The following SYN3 variants were observed in gnomAD, a reference collection of about 807,000 sequenced individuals.
The protein encoded by SYN3 is synapsin-3.
In SYN3, 35 loss-of-function variants were observed where a neutral mutation model predicts 65.8. The observed-to-expected ratio is 0.53, with a 90% confidence interval of 0.41 to 0.70. The LOEUF (loss-of-function observed/expected upper bound fraction) is 0.70, where lower values mean the gene tolerates loss of function less well. Among genes scored for constraint, SYN3 ranks in the 30% least tolerant of loss-of-function variants. SYN3 has a pLI of 0.00. For synonymous variants in SYN3, 270 were observed against 292.9 expected (o/e 0.92, Z 0.80); for missense variants, 680 against 749.0 (o/e 0.91, Z 1.08).
At chr22:32,745,757 A>G (rs548869926) in intron 6 of SYN3, among the ~76,000 whole-genome samples, 1 of 152,262 alleles carries the variant, frequency 6.6e-6, no homozygotes, top group Non-Finnish European at 1.5e-5. Flanking sequence ...GTGGGGAGAG[A>G]ATAAGAGGCA....
chr22:32,952,369 AAC>A (rs2051317758), intron 3 of SYN3, among the ~76,000 whole-genome samples: 2 of 152,056 alleles, frequency 1.3e-5, no homozygotes, highest in African/African-American at 4.8e-5. Flanking sequence ...TAAATACAAA[AAC>A]ACAGAAAAAA....
chr22:32,798,361 G>A (rs963687788), intron 6 of SYN3, among the ~76,000 whole-genome samples: 2 of 152,040 alleles, frequency 1.3e-5, no homozygotes, highest in Admixed American at 6.6e-5. Flanking sequence ...TTACAGCTTG[G>A]AGGACTGAGC....
intron 7 of SYN3, among the ~76,000 whole-genome samples, chr22:32,592,069 G>A (rs1353554294): frequency 6.6e-6 from 1 of 152,214 alleles, no homozygotes; most frequent in Non-Finnish European, 1.5e-5. Context: ...GTATGTAGAG[G>A]AATAATGATT....
At chr22:32,604,428 G>A (rs1019849827) in intron 6 of SYN3, among the ~76,000 whole-genome samples, 2 of 151,642 alleles carry the variant, frequency 1.3e-5, no homozygotes, top group Non-Finnish European at 2.9e-5. Context: ...TGAATGTGCC[G>A]CACTCCCTCC....
At chr22:32,627,954 G>A (rs55904255) in intron 6 of SYN3, among the ~76,000 whole-genome samples, 15,508 of 152,024 alleles carry the variant, frequency 0.1, 1,927 homozygotes, top group African/African-American at 0.3. Context: ...TCAGCCTCCC[G>A]AGTAGCTGGG....
intron 1 of SYN3, among the ~76,000 whole-genome samples, chr22:33,036,779 C>T (rs751364597): frequency 6.7e-6 from 1 of 150,022 alleles, no homozygotes; most frequent in Admixed American, 6.7e-5. Context: ...ACAACCTCCG[C>T]CTCCCAGGTT....
At chr22:32,606,259 G>A (rs183688325) in intron 6 of SYN3, among the ~76,000 whole-genome samples, 4 of 152,310 alleles carry the variant, frequency 2.6e-5, no homozygotes, top group African/African-American at 7.2e-5. Context: ...CAGGGAGCGC[G>A]TTACGAAGCC....
Position 32,555,324 on chromosome 22 carries a change from G to C in SYN3, c.775-13611C>G, listed in dbSNP as rs145141484. On this transcript the variant is annotated intron_variant, in intron 7 of 13. Coordinates refer to ENST00000358763, the MANE Select transcript of SYN3 (RefSeq NM_003490.4). ...CCTGAGAGAGGAACACAAGGAGTGA[G>C]GCCAAGATCCTTCCCAGAAAGTGAT... is the stretch of plus-strand genomic sequence containing the variant. Among the ~76,000 whole-genome samples, 492 of 152,316 alleles carry C rather than the reference G, an allele frequency of 3.2e-3. 3 individuals carry two copies. Among genetic ancestry groups the C allele is most frequent in the African/African-American group, 0.011 (475 of 41,564 alleles).
At chr22:32,814,236 AGAAAGAAAGAAG>A (rs1184861494) in intron 6 of SYN3, among the ~76,000 whole-genome samples, 13 of 145,680 alleles carry the variant, frequency 8.9e-5, no homozygotes, top group South Asian at 6.4e-4. Flanking sequence ...AGAAAAAAAA[AGAAAGAAAGAAG>A]GAAAGAAAGA....
At chr22:32,525,899 G>A (rs1476199121) in intron 12 of SYN3, among the ~76,000 whole-genome samples, 1 of 152,132 alleles carries the variant, frequency 6.6e-6, no homozygotes, top group Non-Finnish European at 1.5e-5. Flanking sequence ...GTGTGAAAGG[G>A]TGAGTCAATG....
intron 6 of SYN3, among the ~76,000 whole-genome samples, chr22:32,843,426 C>A (rs2047970779): frequency 6.6e-6 from 1 of 152,166 alleles, no homozygotes; most frequent in Non-Finnish European, 1.5e-5. Flanking sequence ...TGTAGAGTGT[C>A]CAAGGTGGGC....
intron 6 of SYN3, among the ~76,000 whole-genome samples, chr22:32,658,192 G>A (rs1205577915): frequency 2.0e-5 from 3 of 152,238 alleles, no homozygotes; most frequent in Admixed American, 1.3e-4. Flanking sequence ...CAGAGCCTAG[G>A]GTGAGGGCAG....
chr22:32,738,970 A>G (rs1467586225), intron 6 of SYN3, among the ~76,000 whole-genome samples: 2 of 152,212 alleles, frequency 1.3e-5, no homozygotes, highest in African/African-American at 4.8e-5. Flanking sequence ...TTCTTATGTA[A>G]TAAAGGTGAT....
Position 32,817,811 on chromosome 22 carries a change from C to A in SYN3, c.711+47104G>T, listed in dbSNP as rs73158322. Among the ~76,000 whole-genome samples the A allele has an allele frequency of 3.5e-3, 537 of 152,292 alleles. 4 individuals carry two copies. Among genetic ancestry groups the A allele is most frequent in the South Asian group, 5.2e-3 (25 of 4,822 alleles). On this transcript the variant is annotated intron_variant, in intron 6 of 13. Transcript: ENST00000358763. ...GGTGAGATGTTTCTGATTGAAGGTC[C>A]ATGGGGCAGGCACCCTGCGAGCAGG...
intron 1 of SYN3, among the ~76,000 whole-genome samples, chr22:33,045,449 G>C (rs1332210964): frequency 2.7e-5 from 4 of 147,086 alleles, no homozygotes; most frequent in Non-Finnish European, 6.0e-5. Context: ...CAACCAGGTG[G>C]CTCTACTTTC....
intron 6 of SYN3, among the ~76,000 whole-genome samples, chr22:32,803,841 C>T (rs1215260483): frequency 1.3e-5 from 2 of 152,160 alleles, no homozygotes; most frequent in African/African-American, 2.4e-5. Flanking sequence ...ACTTCACTTG[C>T]GTTTTTTTGG....
chr22:32,614,377 G>T (rs2059486605), intron 6 of SYN3, among the ~76,000 whole-genome samples: 1 of 152,338 alleles, frequency 6.6e-6, no homozygotes, highest in East Asian at 1.9e-4. Flanking sequence ...ATGGACAAGG[G>T]TCACTCCAGC....
chr22:32,833,302 T>C (rs1489012535), intron 6 of SYN3, among the ~76,000 whole-genome samples: 1 of 152,158 alleles, frequency 6.6e-6, no homozygotes, highest in Non-Finnish European at 1.5e-5. Flanking sequence ...TATGAAAATA[T>C]TTATCCTGGA....
At chr22:32,769,276 C>T (rs2045705889) in intron 6 of SYN3, among the ~76,000 whole-genome samples, 1 of 152,186 alleles carries the variant, frequency 6.6e-6, no homozygotes. Flanking sequence ...CGACCTCACT[C>T]CCATCCCTCC....
Sources: gnomAD v4.1 joint callset for allele counts (sites outside exome capture counted in the v4.1 genomes callset) on GRCh38, gnomAD v4.1.1 for gene constraint, MANE v1.5 for transcripts, NCBI Gene and HGNC (gene_info 2026-07-23, HGNC 2026-07-21) for gene names.